LDLRAD4: variants seen among roughly 807,000 people sequenced by gnomAD.
LDLRAD4 encodes low density lipoprotein receptor class A domain containing 4.
LDLRAD4 carries 5 observed loss-of-function variants against 17.0 expected under a neutral mutation model. The ratio of observed to expected loss-of-function variants is 0.29; its 90% CI spans 0.15 to 0.62. The LOEUF is 0.62. Ranked by LOEUF, LDLRAD4 falls within the 20% of genes least tolerant of loss-of-function variation. The pLI is 0.84. For missense variants in LDLRAD4, 340 were observed against 424.7 expected, an observed-to-expected ratio of 0.80 and a Z score of 1.75; for synonymous variants, 168 against 171.8, an observed-to-expected ratio of 0.98 and a Z score of 0.17.
Position 13,637,887 on chromosome 18 carries a change from A to AAG in LDLRAD4, c.337-5461_337-5460dup, listed in dbSNP as rs1555779855. Among the ~76,000 whole-genome samples, 295 of 151,316 alleles carry AAG rather than the reference A, an allele frequency of 1.9e-3. 1 individual carries two copies. The highest frequency in any genetic ancestry group is 6.7e-3 in the African/African-American group (277 of 41,272). ...TCTCAACAACAAAAAAAAAAAAAAA[A>AAG]AGAGAGAGAGAGGTAATGGAAATTT... is the stretch of plus-strand genomic sequence containing the variant. On this transcript the variant is annotated intron_variant, in intron 4 of 5. Coordinates refer to ENST00000359446, the Ensembl canonical transcript of LDLRAD4.
chr18:13,380,024 G>T (rs868361653), intron 1 of LDLRAD4, among the ~76,000 whole-genome samples: 1 of 96,320 alleles, frequency 1.0e-5, no homozygotes, highest in Non-Finnish European at 2.4e-5. Context: ...GAGCCCTCAC[G>T]CCAGGCCACA....
intron 1 of LDLRAD4, among the ~76,000 whole-genome samples, chr18:13,238,039 T>C (rs2042421933): frequency 6.6e-6 from 1 of 152,138 alleles, no homozygotes; most frequent in Non-Finnish European, 1.5e-5. Context: ...AAATGGACAG[T>C]GGAGTGAGGC....
chr18:13,552,218 G>A (rs1284411), intron 3 of LDLRAD4, among the ~76,000 whole-genome samples: 41,821 of 152,106 alleles, frequency 0.27, 6,924 homozygotes, highest in Middle Eastern at 0.43. Context: ...AGCTCCCAGC[G>A]GCCAGCCAGG....
chr18:13,633,998 T>A (rs1041003143), intron 4 of LDLRAD4, among the ~76,000 whole-genome samples: 3 of 152,204 alleles, frequency 2.0e-5, no homozygotes, highest in Admixed American at 1.3e-4. Flanking sequence ...CAGTGTTTGA[T>A]GAAATTCAAC....
chr18:13,296,464 T>TCCC (rs2046281493), intron 1 of LDLRAD4, among the ~76,000 whole-genome samples: 1 of 152,144 alleles, frequency 6.6e-6, no homozygotes. Context: ...TGCCACCATG[T>TCCC]CCCTGGGTCC....
At position 13,419,030 on chromosome 18, in the gene LDLRAD4, T is replaced by C. The variant is rs529576037; in HGVS notation, c.41-19214T>C. Among the ~76,000 whole-genome samples, 34 of 152,332 alleles carry C rather than the reference T, an allele frequency of 2.2e-4. No homozygotes were observed. The South Asian group carries it at 6.8e-3, about 31-fold the overall frequency. ...AATGATGAAAACTTGCGGTGAGTGCTTCAATTGGAATGTATTTGCTTGGCT... is the reference window on the plus strand; with the variant it reads ...AATGATGAAAACTTGCGGTGAGTGCCTCAATTGGAATGTATTTGCTTGGCT... On this transcript the variant is annotated intron_variant, in intron 2 of 5. Transcript: ENST00000359446.
chr18:13,588,044 G>A (rs2094957655), intron 3 of LDLRAD4, among the ~76,000 whole-genome samples: 2 of 152,046 alleles, frequency 1.3e-5, no homozygotes, highest in Admixed American at 1.3e-4. Flanking sequence ...CATTTTCTTG[G>A]TTCCTGTAGA....
intron 1 of LDLRAD4, among the ~76,000 whole-genome samples, chr18:13,310,560 G>A (rs1442707758): frequency 6.6e-6 from 1 of 152,208 alleles, no homozygotes; most frequent in African/African-American, 2.4e-5. Context: ...GGGCTTTGTG[G>A]ATGCTGCTGG....
chr18:13,565,534 C>T (rs990180669), intron 3 of LDLRAD4, among the ~76,000 whole-genome samples: 9 of 152,248 alleles, frequency 5.9e-5, no homozygotes, highest in Non-Finnish European at 1.2e-4. Context: ...TGGCATGAGC[C>T]GCCCTCACAG....
intron 3 of LDLRAD4, among the ~76,000 whole-genome samples, chr18:13,566,443 A>G (rs2094603346): frequency 6.7e-6 from 1 of 149,992 alleles, no homozygotes; most frequent in East Asian, 2.0e-4. Flanking sequence ...GCTCATTGCA[A>G]CCTCCACCTC....
At chr18:13,239,831 G>T (rs1430338677) in intron 1 of LDLRAD4, 1 of 152,266 alleles carries the variant, frequency 6.6e-6, no homozygotes, top group Non-Finnish European at 1.5e-5. Flanking sequence ...GGCCACGCAG[G>T]CTGTACCAGC....
At chr18:13,411,819 C>T (rs1430355168) in intron 2 of LDLRAD4, among the ~76,000 whole-genome samples, 1 of 152,072 alleles carries the variant, frequency 6.6e-6, no homozygotes, top group Admixed American at 6.6e-5. Context: ...CATCATGAGA[C>T]CCAACCCAGT....
At chr18:13,421,938 C>T (rs1230594288) in intron 2 of LDLRAD4, among the ~76,000 whole-genome samples, 1 of 152,242 alleles carries the variant, frequency 6.6e-6, no homozygotes, top group Admixed American at 6.5e-5. Flanking sequence ...CAGTCACTGA[C>T]TCCTTAGACC....
chr18:13,510,296 AT>A (rs1196567768), intron 3 of LDLRAD4, among the ~76,000 whole-genome samples: 1 of 152,140 alleles, frequency 6.6e-6, no homozygotes. Context: ...GGGACCTATG[AT>A]TTTAGCTAAA....
intron 1 of LDLRAD4, among the ~76,000 whole-genome samples, chr18:13,373,227 G>A (rs958709487): frequency 1.3e-5 from 2 of 151,674 alleles, no homozygotes; most frequent in African/African-American, 2.4e-5. Flanking sequence ...TTTTCTCATC[G>A]CAGCAGTTGT....
At chr18:13,258,918 A>T (rs1288445864) in intron 1 of LDLRAD4, among the ~76,000 whole-genome samples, 1 of 152,232 alleles carries the variant, frequency 6.6e-6, no homozygotes, top group East Asian at 1.9e-4. Flanking sequence ...TCATGATTTT[A>T]ATCCAGAATG....
intron 1 of LDLRAD4, among the ~76,000 whole-genome samples, chr18:13,291,185 C>T (rs539961432): frequency 1.1e-4 from 17 of 152,296 alleles, no homozygotes; most frequent in African/African-American, 3.6e-4. Context: ...CTTCCCCAGC[C>T]GGTCTGTTTG....
rs145553023 is a variant in LDLRAD4, at chr18:13,571,663, T to G, written c.182-49454T>G. ...ATTTATTTATTTATTTTGAGATGGA[T>G]TCTCGCTCTGTTGCCCAGGCTGGAG... On this transcript the variant is annotated intron_variant, in intron 3 of 5. Coordinates refer to ENST00000359446, the Ensembl canonical transcript of LDLRAD4. Among the ~76,000 whole-genome samples the G allele has an allele frequency of 7.8e-3, 1,189 of 152,208 alleles. 17 individuals are homozygous for G. The highest frequency in any genetic ancestry group is 0.027 in the African/African-American group (1,131 of 41,536).
chr18:13,579,155 A>G (rs908469636), intron 3 of LDLRAD4, among the ~76,000 whole-genome samples: 1 of 152,006 alleles, frequency 6.6e-6, no homozygotes, highest in Non-Finnish European at 1.5e-5. Flanking sequence ...GCACCACTGT[A>G]CTCCAGCCTG....
Sources: gnomAD v4.1 joint callset for allele counts (sites outside exome capture counted in the v4.1 genomes callset) on GRCh38, gnomAD v4.1.1 for gene constraint, MANE v1.5 for transcripts, NCBI Gene and HGNC (gene_info 2026-07-23, HGNC 2026-07-21) for gene names.